Variants in BACH1 observed in about 807,000 individuals in gnomAD.
BACH1 encodes BTB domain and CNC homolog 1, also known as transcription regulator protein BACH1.
In BACH1, 35 loss-of-function variants were observed where a neutral mutation model predicts 52.9. The ratio of observed to expected loss-of-function variants is 0.66; its 90% confidence interval spans 0.51 to 0.88. The LOEUF (loss-of-function observed/expected upper bound fraction) is 0.88, where lower values mean the gene tolerates loss of function less well. Among genes scored for constraint, BACH1 ranks in the 40% least tolerant of loss-of-function variants. The pLI, the probability that BACH1 is intolerant of heterozygous loss-of-function variation, is 0.00. For missense variants in BACH1, 808 were observed against 872.6 expected, an observed-to-expected ratio of 0.93 and a Z score of 0.93; for synonymous variants, 321 against 319.6, an observed-to-expected ratio of 1.00 and a Z score of -0.05.
chr21:29,329,027 A>G (rs2088950190), intron 3 of BACH1, among the ~76,000 whole-genome samples: 1 of 152,124 alleles, frequency 6.6e-6, no homozygotes, highest in African/African-American at 2.4e-5. Context: ...GGGAGTACAG[A>G]CTGGGCACAG....
intron 1 of BACH1, among the ~76,000 whole-genome samples, chr21:29,311,644 C>A (rs1007000546): frequency 1.3e-5 from 2 of 152,114 alleles, no homozygotes; most frequent in African/African-American, 4.8e-5. Context: ...ACTCTACTAT[C>A]CCCCCACATG....
Position 29,327,023 on chromosome 21 carries a change from G to T in BACH1, c.1199G>T (p.Gly400Val). 1 of 1,614,176 alleles carries T rather than the reference G, an allele frequency of 6.2e-7. No homozygotes were observed. Among genetic ancestry groups the T allele is most frequent in the Non-Finnish European group, 8.5e-7 (1 of 1,180,040 alleles). Residue 400 changes from glycine (G) to valine (V), a missense_variant, in exon 3 of 5, where the codon GGC becomes GTC. By Grantham distance (109) the Gly-to-Val change is moderately radical (BLOSUM62 -3). Transcript: ENST00000286800. ...EREVAEHLAK[G>V]FWSDICSTDT... The stretch of plus-strand genomic sequence containing the variant: ...GAAGTGGCAGAACACCTAGCAAAAG[G>T]CTTCTGGAGTGACATTTGCAGCACG...
chr21:29,352,915 G>T (rs2089211767), intron 2 of BACH1, among the ~76,000 whole-genome samples: 1 of 152,104 alleles, frequency 6.6e-6, no homozygotes, highest in South Asian at 2.1e-4. Context: ...GTTTCACCGT[G>T]TTGGCCAGGC....
rs1276711930 is a variant in BACH1, at chr21:29,326,960, G to A, written c.1136G>A (p.Ser379Asn). Reference sequence around the variant, plus strand: ...TCCGACTTGGGCACCAGGGAAGATAGTAGTGTTGCATCTAGTGATAGGAGT... The same window carrying A: ...TCCGACTTGGGCACCAGGGAAGATAATAGTGTTGCATCTAGTGATAGGAGT... ...LKSDLGTREDSSVASSDRSSV... is the reference protein window; with the variant it reads ...LKSDLGTREDNSVASSDRSSV... The change falls in exon 3 of 5, where the codon AGT (serine) becomes AAT (asparagine). Residue 379 changes from serine (S) to asparagine (N), a missense_variant. Transcript: ENST00000286800. 6.2e-7 allele frequency: 1 copy of A among 1,614,224 alleles called. No homozygotes were observed. Among genetic ancestry groups the A allele is most frequent in the Non-Finnish European group, 8.5e-7 (1 of 1,180,042 alleles).
chr21:29,354,705 A>G (rs574378491), intron 2 of BACH1, among the ~76,000 whole-genome samples: 6 of 152,344 alleles, frequency 3.9e-5, no homozygotes, highest in African/African-American at 1.4e-4. Flanking sequence ...TGTTAAATTC[A>G]GTGATGAGTG....
At chr21:29,357,515 C>T (rs1283436685) in intron 2 of BACH1, among the ~76,000 whole-genome samples, 1 of 152,124 alleles carries the variant, frequency 6.6e-6, no homozygotes, top group African/African-American at 2.4e-5. Context: ...TGTCTGATAG[C>T]CATAAACTTC....
chr21:29,322,084 A>T (rs1169691103), intron 2 of BACH1, among the ~76,000 whole-genome samples: 1 of 152,210 alleles, frequency 6.6e-6, no homozygotes, highest in Non-Finnish European at 1.5e-5. Context: ...TTATAAAACC[A>T]TCACATCTCG....
At chr21:29,307,021 A>G (rs1212276469) in intron 1 of BACH1, among the ~76,000 whole-genome samples, 15 of 152,166 alleles carry the variant, frequency 9.9e-5, no homozygotes, top group Admixed American at 9.8e-4. Context: ...GATTATGTGT[A>G]TACTAAGAGG....
Position 29,331,731 on chromosome 21 carries a change from G to T in BACH1, c.1776+2038G>T, listed in dbSNP as rs563994240. Reference sequence around the variant, plus strand: ...ACTTGGGGTTTTCATCGGAAAAATAGGATAATACTAGTTCCTACTTTATAG... The same window carrying T: ...ACTTGGGGTTTTCATCGGAAAAATATGATAATACTAGTTCCTACTTTATAG... On this transcript the variant is annotated intron_variant, in intron 4 of 4. Transcript: ENST00000286800. Among the ~76,000 whole-genome samples, 8 of 152,178 alleles carry T rather than the reference G, an allele frequency of 5.3e-5. No homozygotes were observed. In the East Asian group the frequency reaches 1.5e-3, roughly 29 times the overall value.
In BACH1 at chr21:29,326,441, CA is replaced by C; in HGVS notation, c.618del (p.Tyr207MetfsTer6). 1 of 1,614,234 alleles carries C rather than the reference CA, an allele frequency of 6.2e-7. No individual in the cohort carries two copies. The highest frequency in any genetic ancestry group is 8.5e-7 in the Non-Finnish European group (1 of 1,180,044). The stretch of plus-strand genomic sequence containing the variant: ...CCTCTACAAGACAGTGCCAGTCAGA[CA>C]TATGAGTCCATGTGCTTAGAGAAGG... ...SPPLQDSASQ[T>X]YESMCLEKDA... is the part of the protein sequence containing the mutation. On this transcript the variant is annotated frameshift_variant, in exon 3 of 5. Coordinates refer to ENST00000286800, the MANE Select transcript of BACH1 (RefSeq NM_001186.4). LOFTEE classifies it high-confidence loss of function.
At chr21:29,351,704 A>G (rs746014144) in intron 2 of BACH1, 1 of 534,778 alleles carries the variant, frequency 1.9e-6, no homozygotes, top group South Asian at 1.4e-5. Context: ...ACCTGCTCAG[A>G]CAGCTCTGTT....
chr21:29,305,120 G>A (rs1384330644), intron 1 of BACH1: 2 of 150,900 alleles, frequency 1.3e-5, no homozygotes, highest in African/African-American at 4.9e-5. Flanking sequence ...CTAGGTAAGA[G>A]TCATAATTCA....
Position 29,342,686 on chromosome 21 carries a change from T to C in BACH1, c.2064T>C (p.Ser688=), listed in dbSNP as rs960787039. ...TGCCTCCCTGTGCCAGAGGAAACAG[T>C]GAGCCTGGCTACGCGCGAGGGCAGG... ...AVLPPCARGN[S]EPGYARGQES... is the part of the protein sequence containing the mutation. The change falls in exon 5 of 5, where the codon AGT becomes AGC. Residue 688 remains serine (S), a synonymous_variant. Transcript: ENST00000286800. 111 of 1,614,084 alleles carry C rather than the reference T, an allele frequency of 6.9e-5. 1 individual carries two copies. The highest frequency in any genetic ancestry group is 8.8e-5 in the Non-Finnish European group (104 of 1,180,042).
In BACH1 at chr21:29,329,806, T is replaced by C. The variant is rs1180989312; in HGVS notation, c.1776+113T>C. On this transcript the variant is annotated intron_variant, in intron 4 of 4. Transcript: ENST00000286800. ...TAATGCTCAATTACTTATTTTAATA[T>C]GTATCAATTACCATTTTATCATTTT... 5.4e-6 allele frequency: 4 copies of C among 742,102 alleles called. No homozygotes were observed. The East Asian group carries it at 1.2e-4, about 23-fold the overall frequency. 46.0% of individuals were successfully genotyped at this position (742,102 alleles called of 1,614,324 possible). A position where few individuals can be genotyped will look rare whatever the true frequency, so the allele number is the denominator to read the frequency against.
chr21:29,355,564 G>A (rs757239188), intron 2 of BACH1, among the ~76,000 whole-genome samples: 2 of 152,206 alleles, frequency 1.3e-5, no homozygotes, highest in Non-Finnish European at 2.9e-5. Flanking sequence ...GGTCCCTGCA[G>A]TTGCAGTGTC....
chr21:29,312,509 A>G (rs2088737455), intron 1 of BACH1, among the ~76,000 whole-genome samples: 1 of 152,226 alleles, frequency 6.6e-6, no homozygotes, highest in Admixed American at 6.5e-5. Context: ...GATTGTGTGC[A>G]TAGAAAATCC....
At position 29,321,302 on chromosome 21, in the gene BACH1, GT is replaced by G; in HGVS notation, c.27del (p.Phe9LeufsTer56). MSLSENS[V>X]FAYESSVHST... ...CAGAATGTCTCTGAGTGAGAACTCG[GT>G]TTTTGCCTATGAATCTTCTGTGCAT... On this transcript the variant is annotated frameshift_variant, in exon 2 of 5. Transcript: ENST00000286800. LOFTEE classifies it high-confidence loss of function. The G allele has an allele frequency of 6.2e-7, 1 of 1,614,100 alleles. No homozygotes were observed. The highest frequency in any genetic ancestry group is 8.5e-7 in the Non-Finnish European group (1 of 1,179,936).
chr21:29,355,921 C>T (rs2089231770), intron 2 of BACH1, among the ~76,000 whole-genome samples: 1 of 152,202 alleles, frequency 6.6e-6, no homozygotes, highest in South Asian at 2.1e-4. Context: ...AGTGTAAAAA[C>T]AACACTCTTC....
intron 2 of BACH1, among the ~76,000 whole-genome samples, chr21:29,355,812 C>T (rs1233307544): frequency 1.3e-5 from 2 of 152,248 alleles, no homozygotes; most frequent in Non-Finnish European, 2.9e-5. Context: ...TGTTGCCCAA[C>T]TCCAGAGGTT....
Sources: gnomAD v4.1 joint callset for allele counts (sites outside exome capture counted in the v4.1 genomes callset) on GRCh38, gnomAD v4.1.1 for gene constraint, MANE v1.5 for transcripts, NCBI Gene and HGNC (gene_info 2026-07-23, HGNC 2026-07-21) for gene names.